Variants in MMRN1 observed in about 807,000 individuals in gnomAD.
MMRN1 encodes multimerin-1.
In MMRN1, 94 loss-of-function variants were observed where a neutral mutation model predicts 100.7. The observed-to-expected ratio is 0.93, with a 90% CI of 0.79 to 1.11. The LOEUF is 1.11. MMRN1 is among the 50% of genes least tolerant of loss of function. The pLI, the probability that MMRN1 is intolerant of heterozygous loss-of-function variation, is 0.00. For synonymous variants in MMRN1, 575 were observed against 505.0 expected (o/e 1.14, Z -1.86); for missense variants, 1,606 against 1,439.1 (o/e 1.12, Z -1.88).
rs1722956494 is a variant in MMRN1 at position 89,945,364 on chromosome 4, A to G, written c.3119-6241A>G. 2.6e-5 allele frequency among the ~76,000 whole-genome samples: 4 copies of G among 152,130 alleles called. No homozygotes were observed. The South Asian group carries it at 6.2e-4, about 24-fold the overall frequency. On this transcript the variant is annotated intron_variant, in intron 6 of 7. Transcript: ENST00000264790. ...TTTTGTTTCTCTCTTATAATTATAC[A>G]GCAGTAGCATAGTTTGGTTATAAGA...
At chr4:89,882,824 A>G (rs1312962218) in intron 1 of MMRN1, among the ~76,000 whole-genome samples, 1 of 151,912 alleles carries the variant, frequency 6.6e-6, no homozygotes, top group South Asian at 2.1e-4. Context: ...AGTTTTGACA[A>G]TTGCATTCTA....
intron 6 of MMRN1, among the ~76,000 whole-genome samples, chr4:89,947,528 T>A (rs1221156265): frequency 6.6e-6 from 1 of 152,172 alleles, no homozygotes; most frequent in Non-Finnish European, 1.5e-5. Context: ...GAGAACATGA[T>A]CCCTGACCTC....
chr4:89,933,083 T>C (rs1200305724), intron 5 of MMRN1, among the ~76,000 whole-genome samples: 1 of 152,218 alleles, frequency 6.6e-6, no homozygotes, highest in African/African-American at 2.4e-5. Context: ...AAGTGATATC[T>C]TGAACTCTCT....
chr4:89,921,181 C>G (rs561970442), intron 3 of MMRN1, among the ~76,000 whole-genome samples: 2 of 151,842 alleles, frequency 1.3e-5, no homozygotes, highest in Non-Finnish European at 2.9e-5. Flanking sequence ...TATGATCTAG[C>G]CAAAAAGGTA....
intron 3 of MMRN1, among the ~76,000 whole-genome samples, chr4:89,913,799 C>T (rs1357546149): frequency 6.6e-6 from 1 of 151,222 alleles, no homozygotes; most frequent in Non-Finnish European, 1.5e-5. Context: ...GTAATTGGAA[C>T]CACTCATAAT....
At chr4:89,948,039 A>C (rs562284595) in intron 6 of MMRN1, among the ~76,000 whole-genome samples, 1 of 152,194 alleles carries the variant, frequency 6.6e-6, no homozygotes, top group African/African-American at 2.4e-5. Context: ...TTTAGTAGAG[A>C]TGGGGTTTCA....
Position 89,935,712 on chromosome 4 carries a change from A to G in MMRN1, c.2032A>G (p.Ile678Val), listed in dbSNP as rs765370283. ...GGAAGCAATAGTGATAAGGAAAAAG[A>G]TAGAAAATCTGACTAGTGCTGTCAA... Reference protein sequence around the residue: ...PKEAIVIRKKIENLTSAVNSL... With the variant: ...PKEAIVIRKKVENLTSAVNSL... The change falls in exon 6 of 8, where the codon ATA (isoleucine) becomes GTA (valine). Residue 678 changes from isoleucine (I) to valine (V), a missense_variant. Coordinates refer to ENST00000264790, the MANE Select transcript of MMRN1 (RefSeq NM_007351.3). The G allele has an allele frequency of 6.2e-7, 1 of 1,612,078 alleles. No individual in the cohort carries two copies. Among genetic ancestry groups the G allele is most frequent in the South Asian group, 1.1e-5 (1 of 90,586 alleles).
At chr4:89,885,652 C>T (rs774799778) in intron 1 of MMRN1, among the ~76,000 whole-genome samples, 4 of 152,076 alleles carry the variant, frequency 2.6e-5, no homozygotes, top group African/African-American at 9.7e-5. Context: ...ATTTTCATTT[C>T]ATTTAAGTTG....
intron 5 of MMRN1, among the ~76,000 whole-genome samples, chr4:89,933,922 T>A (rs964665929): frequency 6.6e-5 from 10 of 152,196 alleles, no homozygotes; most frequent in Non-Finnish European, 1.3e-4. Context: ...CTTTTCTGTT[T>A]TCTTTGTATG....
Position 89,936,182 on chromosome 4 carries a change from G to T in MMRN1, c.2502G>T (p.Val834=), listed in dbSNP as rs528086862. ...YQMFNETTSQ[V]RKYQQNMSHL... Reference sequence around the variant, plus strand: ...TGTTCAATGAAACCACTTCCCAAGTGAGAAAATACCAGCAAAATATGAGTC... The same window carrying T: ...TGTTCAATGAAACCACTTCCCAAGTTAGAAAATACCAGCAAAATATGAGTC... The change falls in exon 6 of 8, where the codon GTG becomes GTT. Residue 834 remains valine, a synonymous_variant. Coordinates refer to ENST00000264790, the MANE Select transcript of MMRN1 (RefSeq NM_007351.3). 6.2e-7 allele frequency: 1 copy of T among 1,610,156 alleles called. No individual in the cohort carries two copies. The highest frequency in any genetic ancestry group is 8.5e-7 in the Non-Finnish European group (1 of 1,179,008).
At chr4:89,934,763 G>T (rs745671888) in intron 5 of MMRN1, 47 bp from the exon 6 acceptor site, 1 of 1,120,568 alleles carries the variant, frequency 8.9e-7, no homozygotes, top group South Asian at 2.4e-5. Flanking sequence ...GATGCTTAAA[G>T]TCTCATATAA....
At chr4:89,918,460 A>G (rs1007959150) in intron 3 of MMRN1, among the ~76,000 whole-genome samples, 3 of 151,888 alleles carry the variant, frequency 2.0e-5, no homozygotes, top group Non-Finnish European at 2.9e-5. Context: ...GTAACATCAC[A>G]GGCTATCTTT....
intron 6 of MMRN1, among the ~76,000 whole-genome samples, chr4:89,938,018 A>T (rs1343893847): frequency 6.6e-6 from 1 of 152,058 alleles, no homozygotes; most frequent in Non-Finnish European, 1.5e-5. Context: ...TGTTTTTCTC[A>T]TATGAGTCTG....
intron 6 of MMRN1, among the ~76,000 whole-genome samples, chr4:89,948,455 T>C (rs1415905392): frequency 1.3e-5 from 2 of 152,190 alleles, no homozygotes; most frequent in African/African-American, 2.4e-5. Context: ...CAATAATAAT[T>C]GTAAATTCAT....
At chr4:89,921,301 A>T (rs895733629) in intron 3 of MMRN1, among the ~76,000 whole-genome samples, 1 of 152,128 alleles carries the variant, frequency 6.6e-6, no homozygotes, top group African/African-American at 2.4e-5. Context: ...AAATTAATAG[A>T]TCTAAGGTGG....
At chr4:89,889,136 ATTG>A (rs993134445) in intron 1 of MMRN1, among the ~76,000 whole-genome samples, 4 of 152,238 alleles carry the variant, frequency 2.6e-5, no homozygotes, top group Non-Finnish European at 5.9e-5. Flanking sequence ...ATAAACCAAA[ATTG>A]TTGTAGCATT....
chr4:89,949,968 TA>T (rs1723108105), intron 6 of MMRN1, among the ~76,000 whole-genome samples: 1 of 152,242 alleles, frequency 6.6e-6, no homozygotes. Context: ...ACTACATCAT[TA>T]CCATAAGGTG....
chr4:89,943,058 G>A (rs1440149016), intron 6 of MMRN1, among the ~76,000 whole-genome samples: 3 of 152,106 alleles, frequency 2.0e-5, no homozygotes, highest in African/African-American at 7.2e-5. Context: ...TAAGAGCAGA[G>A]TCAGAGGAAG....
At chr4:89,939,996 C>A (rs1411459874) in intron 6 of MMRN1, among the ~76,000 whole-genome samples, 3 of 152,146 alleles carry the variant, frequency 2.0e-5, no homozygotes, top group Non-Finnish European at 4.4e-5. Flanking sequence ...CCTGCCACTT[C>A]CTTTTGAGCC....
Sources: gnomAD v4.1 joint callset for allele counts (sites outside exome capture counted in the v4.1 genomes callset) on GRCh38, gnomAD v4.1.1 for gene constraint, MANE v1.5 for transcripts, NCBI Gene and HGNC (gene_info 2026-07-23, HGNC 2026-07-21) for gene names.